Variants in LRRC4C observed in about 807,000 individuals in gnomAD.
LRRC4C encodes the protein leucine rich repeat containing 4C.
Under a neutral mutation model 33.6 loss-of-function variants are expected in LRRC4C, and 5 were observed. That is an observed-to-expected ratio of 0.15 (90% CI 0.08 to 0.31). The LOEUF is 0.31. Among genes scored for constraint, LRRC4C ranks in the 10% least tolerant of loss-of-function variants. The pLI is 1.00. For missense variants in LRRC4C, 560 were observed against 796.7 expected (o/e 0.70, Z 3.58); for synonymous variants, 329 against 302.0 (o/e 1.09, Z -0.93).
intron 2 of LRRC4C, among the ~76,000 whole-genome samples, chr11:40,832,248 C>T (rs540454052): frequency 6.6e-6 from 1 of 152,118 alleles, no homozygotes; most frequent in African/African-American, 2.4e-5. Context: ...AGTAAAAATA[C>T]CCTAATATAA....
At chr11:40,528,457 C>T (rs1258390601) in intron 3 of LRRC4C, among the ~76,000 whole-genome samples, 2 of 151,210 alleles carry the variant, frequency 1.3e-5, no homozygotes, top group African/African-American at 4.9e-5. Context: ...TATTAGCTCA[C>T]AGCTATTACG....
At chr11:40,675,689 G>C (rs1302888149) in intron 2 of LRRC4C, among the ~76,000 whole-genome samples, 1 of 152,178 alleles carries the variant, frequency 6.6e-6, no homozygotes. Flanking sequence ...CTGGTGCATT[G>C]TAAGTGTATA....
At chr11:40,826,011 A>G (rs1373380256) in intron 2 of LRRC4C, among the ~76,000 whole-genome samples, 1 of 151,196 alleles carries the variant, frequency 6.6e-6, no homozygotes, top group East Asian at 2.0e-4. Context: ...GGGTTTGTGA[A>G]GATTCCTTTT....
intron 1 of LRRC4C, among the ~76,000 whole-genome samples, chr11:41,015,993 C>G (rs1855561198): frequency 6.6e-6 from 1 of 152,028 alleles, no homozygotes; most frequent in Admixed American, 6.6e-5. Context: ...GACTCCGACT[C>G]CGTCTCAAAA....
intron 1 of LRRC4C, among the ~76,000 whole-genome samples, chr11:41,433,261 T>C (rs1299980290): frequency 6.6e-6 from 1 of 152,180 alleles, no homozygotes. Flanking sequence ...AAATAACCAC[T>C]ACCAAAGCAT....
At chr11:41,291,713 G>A (rs1017063105) in intron 1 of LRRC4C, among the ~76,000 whole-genome samples, 1 of 152,112 alleles carries the variant, frequency 6.6e-6, no homozygotes, top group African/African-American at 2.4e-5. Flanking sequence ...CATAGAAAGA[G>A]GAGACTGAAC....
At chr11:40,274,898 C>T (rs551549435) in intron 4 of LRRC4C, among the ~76,000 whole-genome samples, 195 of 152,202 alleles carry the variant, frequency 1.3e-3, no homozygotes, top group African/African-American at 4.1e-3. Flanking sequence ...AAGTGAAATG[C>T]ACCCATATTT....
chr11:41,162,474 G>C (rs1465865451), intron 1 of LRRC4C, among the ~76,000 whole-genome samples: 1 of 152,084 alleles, frequency 6.6e-6, no homozygotes, highest in Non-Finnish European at 1.5e-5. Flanking sequence ...ATTGCTAGGC[G>C]ATTTCTTCAC....
At chr11:41,322,962 A>T (rs1951001791) in intron 1 of LRRC4C, among the ~76,000 whole-genome samples, 1 of 152,300 alleles carries the variant, frequency 6.6e-6, no homozygotes, top group Non-Finnish European at 1.5e-5. Flanking sequence ...AGAACATTAC[A>T]TGGTCCTGGC....
At chr11:40,584,004 T>C (rs1020943526) in intron 3 of LRRC4C, among the ~76,000 whole-genome samples, 2 of 151,418 alleles carry the variant, frequency 1.3e-5, no homozygotes, top group Non-Finnish European at 2.9e-5. Context: ...TCTTTCCAGC[T>C]TCCTAAGGTT....
rs560009976 is a variant in LRRC4C at position 41,370,452 on chromosome 11, G to A, written c.-496+88979C>T. 1.6e-4 allele frequency among the ~76,000 whole-genome samples: 25 copies of A among 152,202 alleles called. No homozygotes were observed. In the East Asian group the frequency reaches 4.6e-3, roughly 28 times the overall value. On this transcript the variant is annotated intron_variant, in intron 1 of 6. Coordinates refer to ENST00000528697, the MANE Select transcript of LRRC4C (RefSeq NM_001258419.2). ...CCAGTGGGAGATAATTTGAATCATGGGGGCGGCTCCCCCCATACTGCTCTC... is the reference window on the plus strand; with the variant it reads ...CCAGTGGGAGATAATTTGAATCATGAGGGCGGCTCCCCCCATACTGCTCTC...
At position 41,396,592 on chromosome 11, in the gene LRRC4C, A is replaced by C. The variant is rs115257217; in HGVS notation, c.-496+62839T>G. Among the ~76,000 whole-genome samples, 845 of 152,132 alleles carry C rather than the reference A, an allele frequency of 5.6e-3. 10 individuals are homozygous for C. Among genetic ancestry groups the C allele is most frequent in the African/African-American group, 0.019 (771 of 41,540 alleles). ...AAACATGTAGTGAATGCTCAACTTT[A>C]TGATATGGGTAGTTTTTTAACTTTT... On this transcript the variant is annotated intron_variant, in intron 1 of 6. Transcript: ENST00000528697.
At chr11:40,674,699 C>A (rs924373753) in intron 2 of LRRC4C, among the ~76,000 whole-genome samples, 2 of 151,848 alleles carry the variant, frequency 1.3e-5, no homozygotes, top group Non-Finnish European at 2.9e-5. Context: ...GCTTCCATGC[C>A]AAAACTGTTT....
At chr11:41,174,560 T>A (rs539293527) in intron 1 of LRRC4C, among the ~76,000 whole-genome samples, 10 of 152,222 alleles carry the variant, frequency 6.6e-5, no homozygotes, top group South Asian at 4.1e-4. Flanking sequence ...GATTTTTTTT[T>A]AAATTCTGCT....
intron 1 of LRRC4C, among the ~76,000 whole-genome samples, chr11:40,986,671 A>G (rs1278333569): frequency 6.6e-6 from 1 of 152,142 alleles, no homozygotes; most frequent in African/African-American, 2.4e-5. Context: ...TGATTTTATA[A>G]TTTATGAATA....
chr11:40,587,050 A>C (rs907017973), intron 3 of LRRC4C, among the ~76,000 whole-genome samples: 1 of 151,758 alleles, frequency 6.6e-6, no homozygotes, highest in African/African-American at 2.4e-5. Context: ...CACTGAATCT[A>C]TAAATTACCT....
chr11:40,803,733 A>G (rs1471801716), intron 2 of LRRC4C, among the ~76,000 whole-genome samples: 2 of 152,156 alleles, frequency 1.3e-5, no homozygotes, highest in African/African-American at 2.4e-5. Flanking sequence ...TCGGCCTCCC[A>G]AAGTGCTGGG....
chr11:40,650,240 C>A (rs555090739), intron 2 of LRRC4C, among the ~76,000 whole-genome samples: 4 of 152,056 alleles, frequency 2.6e-5, no homozygotes, highest in Non-Finnish European at 4.4e-5. Context: ...TAGACCAAAG[C>A]AAAATGGAGC....
At chr11:41,404,253 A>G (rs1459087425) in intron 1 of LRRC4C, among the ~76,000 whole-genome samples, 2 of 152,010 alleles carry the variant, frequency 1.3e-5, no homozygotes, top group African/African-American at 4.8e-5. Flanking sequence ...AGTTTCCCCA[A>G]GCAAAGAGCT....
Sources: allele counts gnomAD v4.1 joint callset (sites outside exome capture counted in the v4.1 genomes callset), GRCh38; gene constraint gnomAD v4.1.1; transcripts MANE v1.5; gene names NCBI Gene and HGNC (gene_info 2026-07-23, HGNC 2026-07-21).